The following TCF4 variants were observed in gnomAD, a reference collection of about 807,000 sequenced individuals.
TCF4 encodes transcription factor 4, also known as SL3-3 enhancer factor 2.
TCF4 carries 3 observed loss-of-function variants against 82.1 expected under a neutral mutation model. The observed-to-expected ratio is 0.04, with a 90% CI of 0.02 to 0.09. TCF4 has a LOEUF of 0.09. Ranked by LOEUF, TCF4 falls within the 10% of genes least tolerant of loss-of-function variation. TCF4 has a pLI of 1.00. For synonymous variants in TCF4, 276 were observed against 309.6 expected, an observed-to-expected ratio of 0.89 and a Z score of 1.14; for missense variants, 518 against 852.7, an observed-to-expected ratio of 0.61 and a Z score of 4.89.
chr18:55,553,816 A>T (rs1241701060), intron 3 of TCF4, among the ~76,000 whole-genome samples: 4 of 152,194 alleles, frequency 2.6e-5, no homozygotes, highest in Non-Finnish European at 5.9e-5. Flanking sequence ...GAATATTAGG[A>T]TGTTATAACC....
At chr18:55,251,321 GAAA>G (rs3838898) in intron 15 of TCF4, among the ~76,000 whole-genome samples, 1 of 148,384 alleles carries the variant, frequency 6.7e-6, no homozygotes, top group Non-Finnish European at 1.5e-5. Context: ...ATGCCGCTGT[GAAA>G]AAAAAAAATC....
chr18:55,630,625 T>C (rs1356317477), intron 2 of TCF4, among the ~76,000 whole-genome samples: 1 of 152,238 alleles, frequency 6.6e-6, no homozygotes, highest in Non-Finnish European at 1.5e-5. Flanking sequence ...TAAATGTTTA[T>C]TGTGTGGCAG....
At chr18:55,472,531 C>A (rs1188342320) in intron 3 of TCF4, among the ~76,000 whole-genome samples, 2 of 152,046 alleles carry the variant, frequency 1.3e-5, no homozygotes, top group Non-Finnish European at 2.9e-5. Flanking sequence ...GGGATCCTAC[C>A]TTTTAAAGCA....
At position 55,276,689 on chromosome 18, in the gene TCF4, A is replaced by G. The variant is rs577533784; in HGVS notation, c.656-937T>C. Among the ~76,000 whole-genome samples, 128 of 152,338 alleles carry G rather than the reference A, an allele frequency of 8.4e-4. 1 individual carries two copies. Among genetic ancestry groups the G allele is most frequent in the African/African-American group, 3.0e-3 (125 of 41,586 alleles). On this transcript the variant is annotated intron_variant, in intron 9 of 19. Coordinates refer to ENST00000354452, the MANE Select transcript of TCF4 (RefSeq NM_001083962.2). Reference sequence around the variant, plus strand: ...TTTTCTTTGTTTCAATAGTTTAACAAAAAGTATTGAGTACTAGGTATACAC... The same window carrying G: ...TTTTCTTTGTTTCAATAGTTTAACAGAAAGTATTGAGTACTAGGTATACAC...
chr18:55,286,577 A>T (rs984126653), intron 8 of TCF4, among the ~76,000 whole-genome samples: 4 of 152,168 alleles, frequency 2.6e-5, no homozygotes, highest in Non-Finnish European at 5.9e-5. Context: ...ACAGCATGAG[A>T]GATTAGTCAA....
At chr18:55,358,630 T>G (rs2084221539) in intron 6 of TCF4, among the ~76,000 whole-genome samples, 1 of 152,272 alleles carries the variant, frequency 6.6e-6, no homozygotes, top group African/African-American at 2.4e-5. Context: ...TCAAAGCCTA[T>G]GCTAGTTCTC....
chr18:55,396,273 C>T (rs557308612), intron 6 of TCF4, among the ~76,000 whole-genome samples: 36 of 152,198 alleles, frequency 2.4e-4, no homozygotes, highest in Non-Finnish European at 4.4e-4. Flanking sequence ...GGTCTACTTG[C>T]TTTACTTCTC....
chr18:55,272,943 G>A (rs1372086228), intron 10 of TCF4, among the ~76,000 whole-genome samples: 1 of 152,100 alleles, frequency 6.6e-6, no homozygotes, highest in African/African-American at 2.4e-5. Context: ...TCCTAGGACT[G>A]TTTCGCCCTG....
chr18:55,227,464 C>CA lies in TCF4; in HGVS notation c.*570dup, dbSNP rs1196825023. ...TCCTACCCTAAGGAATGGCTAATGT[C>CA]ATCACTTCGTTGTCATCAGGACGTT... On this transcript the variant is annotated 3_prime_UTR_variant, in exon 20 of 20. Coordinates refer to ENST00000354452, the MANE Select transcript of TCF4 (RefSeq NM_001083962.2). The CA allele has an allele frequency of 6.6e-6, 1 of 151,698 alleles. No homozygotes were observed. The highest frequency in any genetic ancestry group is 1.5e-5 in the Non-Finnish European group (1 of 67,864). 9.4% of individuals were successfully genotyped at this position (151,698 alleles called of 1,614,324 possible).
intron 11 of TCF4, chr18:55,268,219 A>C (rs1014107256): frequency 6.6e-6 from 1 of 152,130 alleles, no homozygotes; most frequent in African/African-American, 2.4e-5. Context: ...CTTCCTAAAA[A>C]AGAAAATTAC....
At chr18:55,611,433 A>G (rs1045337126) in intron 2 of TCF4, among the ~76,000 whole-genome samples, 11 of 152,106 alleles carry the variant, frequency 7.2e-5, no homozygotes, top group African/African-American at 9.7e-5. Flanking sequence ...TTTTTCTTCA[A>G]CTATCACCAC....
intron 15 of TCF4, among the ~76,000 whole-genome samples, chr18:55,246,959 T>C (rs2053453017): frequency 6.6e-6 from 1 of 152,296 alleles, no homozygotes; most frequent in African/African-American, 2.4e-5. Flanking sequence ...GTTTTGAAAG[T>C]GCTCTGAAAC....
At chr18:55,525,940 T>C (rs981998848) in intron 3 of TCF4, among the ~76,000 whole-genome samples, 6 of 152,198 alleles carry the variant, frequency 3.9e-5, no homozygotes, top group Non-Finnish European at 7.3e-5. Context: ...GGAAACACAC[T>C]TTCTTGAAGA....
chr18:55,345,465 T>A (rs1457515725), intron 8 of TCF4, among the ~76,000 whole-genome samples: 1 of 152,178 alleles, frequency 6.6e-6, no homozygotes, highest in Non-Finnish European at 1.5e-5. Flanking sequence ...TTTGTCCTAT[T>A]TGAGATGACT....
intron 3 of TCF4, among the ~76,000 whole-genome samples, chr18:55,523,421 G>A (rs542687257): frequency 2.6e-5 from 4 of 151,886 alleles, no homozygotes; most frequent in African/African-American, 9.6e-5. Context: ...GGTCTTATCA[G>A]TTTTTTAAAA....
intron 8 of TCF4, among the ~76,000 whole-genome samples, chr18:55,293,291 A>G (rs979798322): frequency 2.0e-5 from 3 of 152,206 alleles, no homozygotes; most frequent in Non-Finnish European, 4.4e-5. Context: ...AAGCCTTGTT[A>G]TCAGTTGCTA....
chr18:55,465,643 A>G (rs532971662), intron 3 of TCF4, among the ~76,000 whole-genome samples: 2 of 152,316 alleles, frequency 1.3e-5, no homozygotes, highest in South Asian at 2.1e-4. Flanking sequence ...TATCCTGTAT[A>G]TGTTGAACTG....
intron 5 of TCF4, among the ~76,000 whole-genome samples, chr18:55,407,986 A>G (rs1347354611): frequency 6.6e-6 from 1 of 152,164 alleles, no homozygotes; most frequent in Non-Finnish European, 1.5e-5. Flanking sequence ...CCCTGGATAC[A>G]CATGACAGTT....
At chr18:55,346,007 T>C (rs1467362957) in intron 8 of TCF4, among the ~76,000 whole-genome samples, 1 of 152,156 alleles carries the variant, frequency 6.6e-6, no homozygotes, top group Non-Finnish European at 1.5e-5. Flanking sequence ...TTGTTTGTGA[T>C]TTCTTCAAGC....
Sources: gnomAD v4.1 joint callset for allele counts (sites outside exome capture counted in the v4.1 genomes callset) on GRCh38, gnomAD v4.1.1 for gene constraint, MANE v1.5 for transcripts, NCBI Gene and HGNC (gene_info 2026-07-23, HGNC 2026-07-21) for gene names.